C14orf39: variants seen among roughly 807,000 people sequenced by gnomAD.
The protein encoded by C14orf39 is protein SIX6OS1.
A neutral mutation model predicts 85.6 loss-of-function variants in C14orf39; 66 were observed. The observed-to-expected ratio is 0.77, with a 90% CI of 0.63 to 0.95. The LOEUF is 0.95. C14orf39 is among the 40% of genes least tolerant of loss of function. The probability of loss-of-function intolerance (pLI) is 0.00; values close to 1 mark genes in which losing one functional copy is unlikely to be tolerated. For synonymous variants in C14orf39, 242 were observed against 214.0 expected, an observed-to-expected ratio of 1.13 and a Z score of -1.14; for missense variants, 735 against 663.9, an observed-to-expected ratio of 1.11 and a Z score of -1.18.
intron 1 of C14orf39, chr14:60,509,611 T>C (rs1417829882): frequency 6.2e-7 from 1 of 1,613,640 alleles, no homozygotes; most frequent in Admixed American, 1.7e-5. Flanking sequence ...GCGAGCTCTA[T>C]CATATCCTGG....
intron 4 of C14orf39, among the ~76,000 whole-genome samples, chr14:60,483,066 T>C (rs990581634): frequency 2.6e-5 from 4 of 152,104 alleles, no homozygotes; most frequent in East Asian, 1.9e-4. Flanking sequence ...ATTTGGTATA[T>C]GTTACTTTTA....
Position 60,466,048 on chromosome 14 carries a change from T to C in C14orf39, c.903A>G (p.Lys301=). ...TTGACTGCTTCGCAGAACTTTCTTC[T>C]TTTATATCTAGATTATTAAATAGTA... ...HSSEPRVADI[K]EESSAKQSKL... The change falls in exon 11 of 18, where the codon AAA becomes AAG. Residue 301 remains lysine (K), a synonymous_variant. Transcript: ENST00000321731. 1 of 1,499,042 alleles carries C rather than the reference T, an allele frequency of 6.7e-7. No individual in the cohort carries two copies. The highest frequency in any genetic ancestry group is 1.4e-5 in the African/African-American group (1 of 70,522). The allele number at this position is 1,499,042 out of a possible 1,614,324, so 92.9% of individuals were successfully genotyped here. A position where few individuals can be genotyped will look rare whatever the true frequency, so the allele number is the denominator to read the frequency against.
In C14orf39 at chr14:60,466,040, C is replaced by A. The variant is rs749255768; in HGVS notation, c.911G>T (p.Ser304Ile). 2.0e-6 allele frequency: 3 copies of A among 1,523,862 alleles called. No individual in the cohort carries two copies. The highest frequency in any genetic ancestry group is 2.5e-5 in the South Asian group (2 of 79,888). The allele number at this position is 1,523,862 out of a possible 1,614,324, so 94.4% of individuals were successfully genotyped here. ...EPRVADIKEE[S>I]SAKQSKLANI... is the part of the protein sequence containing the mutation. ...GGCAAGCTTTGACTGCTTCGCAGAA[C>A]TTTCTTCTTTTATATCTAGATTATT... The change falls in exon 11 of 18, where the codon AGT (serine) becomes ATT (isoleucine). Residue 304 changes from serine to isoleucine, a missense_variant. By Grantham distance (142) the Ser-to-Ile change is moderately radical (BLOSUM62 -2). Coordinates refer to ENST00000321731, the MANE Select transcript of C14orf39 (RefSeq NM_174978.3).
In C14orf39 at chr14:60,447,898, C is replaced by G. The variant is rs535631209; in HGVS notation, c.1504-5767G>C. ...CCTCAGAAATAACACCACACATGTA[C>G]AACCATCTGATCTTTGACAAACCTG... On this transcript the variant is annotated intron_variant, in intron 16 of 17. Transcript: ENST00000321731. 3.2e-4 allele frequency among the ~76,000 whole-genome samples: 48 copies of G among 152,258 alleles called. 1 individual carries two copies. In the South Asian group the frequency reaches 9.7e-3, roughly 31 times the overall value.
At chr14:60,469,440 C>T in intron 8 of C14orf39, 93 bp downstream of exon 8, 1 of 443,254 alleles carries the variant, frequency 2.3e-6, no homozygotes. Flanking sequence ...ACATTAGGCT[C>T]TCTTAAAAAT....
intron 7 of C14orf39, among the ~76,000 whole-genome samples, chr14:60,470,231 A>G (rs1892013178): frequency 6.6e-6 from 1 of 151,836 alleles, no homozygotes; most frequent in Non-Finnish European, 1.5e-5. Context: ...AATTTCAAGT[A>G]AAAAATCCTC....
At chr14:60,471,984 T>C (rs1892109894) in intron 5 of C14orf39, among the ~76,000 whole-genome samples, 2 of 152,126 alleles carry the variant, frequency 1.3e-5, no homozygotes, top group African/African-American at 2.4e-5. Context: ...ACTCCCACTA[T>C]TTTAATGACG....
chr14:60,450,833 G>C, intron 16 of C14orf39, among the ~76,000 whole-genome samples: 1 of 152,148 alleles, frequency 6.6e-6, no homozygotes, highest in East Asian at 1.9e-4. Flanking sequence ...GAGAAATCAA[G>C]GGAAAATAAC....
intron 11 of C14orf39, among the ~76,000 whole-genome samples, chr14:60,465,032 T>C (rs982452019): frequency 5.9e-5 from 9 of 152,158 alleles, no homozygotes; most frequent in Admixed American, 6.6e-5. Context: ...TTAATATGTA[T>C]GCATAAATTT....
chr14:60,500,301 A>G (rs1338399453), intron 1 of C14orf39, among the ~76,000 whole-genome samples: 3 of 152,214 alleles, frequency 2.0e-5, no homozygotes, highest in Non-Finnish European at 4.4e-5. Context: ...TGCTGGGATT[A>G]CAGGTGTCAG....
chr14:60,478,037 G>A (rs1420586787), intron 5 of C14orf39, among the ~76,000 whole-genome samples: 1 of 151,762 alleles, frequency 6.6e-6, no homozygotes, highest in East Asian at 1.9e-4. Context: ...AAATTAGCCG[G>A]GTGCGGTGGC....
intron 11 of C14orf39, among the ~76,000 whole-genome samples, chr14:60,462,718 C>T (rs372064537): frequency 2.6e-5 from 4 of 152,174 alleles, no homozygotes; most frequent in East Asian, 3.9e-4. Flanking sequence ...CAGTCCAAAA[C>T]GGCTCTGACT....
Position 60,471,570 on chromosome 14 carries a change from T to C in C14orf39, c.493A>G (p.Ile165Val), listed in dbSNP as rs757918550. The C allele has an allele frequency of 1.9e-6, 3 of 1,592,794 alleles. No individual in the cohort carries two copies. The highest frequency in any genetic ancestry group is 2.2e-5 in the East Asian group (1 of 44,602). ...TTAATACCTCGAAATTTCATAAAAA[T>C]TGTTTCATTCATTTTTAATTGTTCA... ...CTEQLKMNET[I>V]FMKFRVPAPF... Residue 165 changes from isoleucine (I) to valine (V), a missense_variant, in exon 6 of 18, where the codon ATT (isoleucine) becomes GTT (valine). By Grantham distance (29) the Ile-to-Val change is conservative. Coordinates refer to ENST00000321731, the MANE Select transcript of C14orf39 (RefSeq NM_174978.3).
rs202173484 is a variant in C14orf39 at position 60,485,098 on chromosome 14, G to GA, written c.-8-13dup. 2,625 of 1,498,644 alleles carry GA rather than the reference G, an allele frequency of 1.8e-3. No individual in the cohort carries two copies. Among genetic ancestry groups the GA allele is most frequent in the Non-Finnish European group, 1.9e-3 (2,130 of 1,110,014 alleles). The allele number at this position is 1,498,644 out of a possible 1,614,324, so 92.8% of individuals were successfully genotyped here. A position where few individuals can be genotyped will look rare whatever the true frequency, so the allele number is the denominator to read the frequency against. On this transcript the variant is annotated splice_polypyrimidine_tract_variant and intron_variant, in intron 1 of 17. Transcript: ENST00000321731. ...ATTCATCTTGGATACTATGTTAAAT[G>GA]AAAAAAAAAATTATAAGATTTTCTG...
chr14:60,464,480 C>T (rs1178262909), intron 11 of C14orf39, among the ~76,000 whole-genome samples: 1 of 152,090 alleles, frequency 6.6e-6, no homozygotes, highest in African/African-American at 2.4e-5. Flanking sequence ...CTTGTTTTAA[C>T]TGTGTATTCA....
In C14orf39 at chr14:60,466,912, T is replaced by G. The variant is rs375300091; in HGVS notation, c.895+5A>C. 39 of 1,480,408 alleles carry G rather than the reference T, an allele frequency of 2.6e-5. No individual in the cohort carries two copies. Among genetic ancestry groups the G allele is most frequent in the Admixed American group, 2.2e-4 (8 of 37,048 alleles). 91.7% of individuals were successfully genotyped at this position (1,480,408 alleles called of 1,614,324 possible). ...ATGTTTTTGAATAACAAACAGATAT[T>G]ATACCTGCAACTCTTGGTTCTGAAG... On this transcript the variant is annotated splice_donor_5th_base_variant and intron_variant, in intron 10 of 17. Transcript: ENST00000321731.
Position 60,456,899 on chromosome 14 carries a change from TATTA to T in C14orf39, c.1358+14_1358+17del. 1 of 1,534,380 alleles carries T rather than the reference TATTA, an allele frequency of 6.5e-7. No individual in the cohort carries two copies. Among genetic ancestry groups the T allele is most frequent in the Non-Finnish European group, 8.8e-7 (1 of 1,140,296 alleles). On this transcript the variant is annotated intron_variant, in intron 15 of 17. Transcript: ENST00000321731. Reference sequence around the variant, plus strand: ...AACATACAAATAATTTAACAATAGTTATTAATTAAAATCCTACATTTCGAACGGG... The same window carrying T: ...AACATACAAATAATTTAACAATAGTTATTAAAATCCTACATTTCGAACGGG...
Position 60,456,782 on chromosome 14 carries a change from T to C in C14orf39, c.1358+135A>G, listed in dbSNP as rs373560330. ...AAATGGAGGTGTGTTATATTAGTCT[T>C]TCTCTTCTTTGCATGTCTGAAATAC... On this transcript the variant is annotated intron_variant, in intron 15 of 17. Coordinates refer to ENST00000321731, the MANE Select transcript of C14orf39 (RefSeq NM_174978.3). 5 of 697,618 alleles carry C rather than the reference T, an allele frequency of 7.2e-6. No homozygotes were observed. The African/African-American group carries it at 9.4e-5, about 13-fold the overall frequency. The allele number at this position is 697,618 out of a possible 1,614,324, so 43.2% of individuals were successfully genotyped here.
intron 1 of C14orf39, among the ~76,000 whole-genome samples, chr14:60,514,292 T>C (rs971623274): frequency 2.0e-5 from 3 of 152,206 alleles, no homozygotes; most frequent in Non-Finnish European, 4.4e-5. Context: ...GCAAAATCTC[T>C]ATATAATGGG....
Sources: allele counts gnomAD v4.1 joint callset (sites outside exome capture counted in the v4.1 genomes callset), GRCh38; gene constraint gnomAD v4.1.1; transcripts MANE v1.5; gene names NCBI Gene and HGNC (gene_info 2026-07-23, HGNC 2026-07-21).